TSHR: variants seen among roughly 807,000 people sequenced by gnomAD.
The protein encoded by TSHR is thyrotropin receptor.
TSHR carries 51 observed loss-of-function variants against 64.1 expected under a neutral mutation model. That is an observed-to-expected ratio of 0.80 (90% CI 0.64 to 1.01). The LOEUF is 1.01. Among genes scored for constraint, TSHR ranks in the 50% least tolerant of loss-of-function variants. The pLI, the probability that TSHR is intolerant of heterozygous loss-of-function variation, is 0.00. For synonymous variants in TSHR, 361 were observed against 361.9 expected (o/e 1.00, Z 0.03); for missense variants, 877 against 942.8 (o/e 0.93, Z 0.91).
At chr14:81,077,112 G>T (rs893231802) in intron 3 of TSHR, among the ~76,000 whole-genome samples, 4 of 151,852 alleles carry the variant, frequency 2.6e-5, no homozygotes, top group African/African-American at 9.7e-5. Context: ...ATACCATTCA[G>T]CCCACTTCTG....
intron 1 of TSHR, among the ~76,000 whole-genome samples, chr14:81,030,576 T>C (rs1042633788): frequency 2.6e-5 from 4 of 152,176 alleles, no homozygotes; most frequent in Non-Finnish European, 5.9e-5. Flanking sequence ...AAATGCTAAT[T>C]AAATTCTCTT....
intron 1 of TSHR, among the ~76,000 whole-genome samples, chr14:80,998,105 A>T (rs1240587283): frequency 6.6e-6 from 1 of 152,232 alleles, no homozygotes; most frequent in Admixed American, 6.5e-5. Context: ...GTAATTTAAA[A>T]GGAAGAAATA....
In TSHR at chr14:81,067,952, TA is replaced by T. The variant is rs1886768674; in HGVS notation, c.243-301del. On this transcript the variant is annotated intron_variant, in intron 2 of 9. Coordinates refer to ENST00000298171, the MANE Select transcript of TSHR (RefSeq NM_000369.5). Reference sequence around the variant, plus strand: ...CTATATATATATATATATATATATATATCGCTAAATATGCATATGGGAAATT... The same window carrying T: ...CTATATATATATATATATATATATATTCGCTAAATATGCATATGGGAAATT... 1.4e-5 allele frequency among the ~76,000 whole-genome samples: 2 copies of T among 142,160 alleles called. 1 individual carries two copies. Among genetic ancestry groups the T allele is most frequent in the Non-Finnish European group, 3.0e-5 (2 of 66,192 alleles). The allele number at this position is 142,160 out of a possible 152,430, so 93.3% of individuals were successfully genotyped here. A position where few individuals can be genotyped will look rare whatever the true frequency, so the allele number is the denominator to read the frequency against.
chr14:80,957,390 G>C (rs1886750510), intron 1 of TSHR, among the ~76,000 whole-genome samples: 1 of 151,566 alleles, frequency 6.6e-6, no homozygotes, highest in Non-Finnish European at 1.5e-5. Flanking sequence ...CAGGACACAA[G>C]CTTCTCTAAC....
chr14:81,004,852 G>T (rs1403512692), intron 1 of TSHR, among the ~76,000 whole-genome samples: 1 of 152,188 alleles, frequency 6.6e-6, no homozygotes, highest in African/African-American at 2.4e-5. Context: ...TGCCCCACAG[G>T]TGTTAACAAC....
At chr14:80,973,062 C>T (rs1887656400) in intron 1 of TSHR, among the ~76,000 whole-genome samples, 1 of 152,126 alleles carries the variant, frequency 6.6e-6, no homozygotes, top group Admixed American at 6.5e-5. Flanking sequence ...AGCCCCATTC[C>T]ATGCTGTAAT....
At chr14:81,092,714 C>A in intron 6 of TSHR, 106 bp downstream of exon 6, 2 of 988,054 alleles carry the variant, frequency 2.0e-6, no homozygotes, top group Non-Finnish European at 3.2e-6. Context: ...CATATATACT[C>A]TATAGAGTAC....
At chr14:81,125,896 A>G (rs1317607230) in intron 8 of TSHR, among the ~76,000 whole-genome samples, 1 of 151,856 alleles carries the variant, frequency 6.6e-6, no homozygotes, top group African/African-American at 2.4e-5. Context: ...AGGCACAGCA[A>G]AGGGTCTGCA....
chr14:81,052,987 T>C (rs1350399852), intron 1 of TSHR: 2 of 152,048 alleles, frequency 1.3e-5, no homozygotes, highest in African/African-American at 4.8e-5. Flanking sequence ...CTGTAAAGAA[T>C]TGGTTCACAT....
chr14:81,045,434 G>A (rs1885128161), intron 1 of TSHR, among the ~76,000 whole-genome samples: 1 of 152,178 alleles, frequency 6.6e-6, no homozygotes, highest in African/African-American at 2.4e-5. Context: ...TGTAGAACGT[G>A]CAGGTTTGTT....
At chr14:80,991,494 T>G (rs1435623118) in intron 1 of TSHR, 2 of 397,550 alleles carry the variant, frequency 5.0e-6, no homozygotes, top group African/African-American at 2.1e-5. Context: ...AGAATTTTGC[T>G]TCATTTTATT....
At chr14:80,983,418 C>A in intron 1 of TSHR, 2 of 1,209,496 alleles carry the variant, frequency 1.7e-6, no homozygotes, top group East Asian at 2.4e-5. Context: ...ATCTGAAAAT[C>A]CAACTGCAGC....
intron 1 of TSHR, among the ~76,000 whole-genome samples, chr14:80,968,186 G>GTTC (rs1887414309): frequency 6.6e-6 from 1 of 152,162 alleles, no homozygotes; most frequent in African/African-American, 2.4e-5. Flanking sequence ...AAGCTAGTCA[G>GTTC]AGCTCATACA....
chr14:81,105,317 C>T (rs1889824474), intron 7 of TSHR: 1 of 794,648 alleles, frequency 1.3e-6, no homozygotes. Flanking sequence ...ATGTATTTCC[C>T]CTCCCCACTG....
At chr14:80,961,476 G>C (rs1230379063) in intron 1 of TSHR, among the ~76,000 whole-genome samples, 1 of 152,198 alleles carries the variant, frequency 6.6e-6, no homozygotes, top group Non-Finnish European at 1.5e-5. Context: ...CAGTGGAGCA[G>C]GTAGAAGGTG....
chr14:81,031,213 G>T (rs1884329765), intron 1 of TSHR, among the ~76,000 whole-genome samples: 1 of 152,164 alleles, frequency 6.6e-6, no homozygotes, highest in African/African-American at 2.4e-5. Context: ...ATTATGCTTA[G>T]AAAAGTATGG....
chr14:81,068,307 A>C lies in TSHR; in HGVS notation c.296A>C (p.Asn99Thr). ...CAGCTGGAATCACACTCCTTCTACAATTTGAGTAAAGTGACTCACATGTAA... is the reference window on the plus strand; with the variant it reads ...CAGCTGGAATCACACTCCTTCTACACTTTGAGTAAAGTGACTCACATGTAA... ...LQQLESHSFY[N>T]LSKVTHIEIR... is the part of the protein sequence containing the mutation. Residue 99 changes from asparagine to threonine, a missense_variant, in exon 3 of 10, where the codon AAT becomes ACT. Asn to Thr is a moderately conservative substitution (Grantham distance 65, BLOSUM62 0). Coordinates refer to ENST00000298171, the MANE Select transcript of TSHR (RefSeq NM_000369.5). 6.2e-7 allele frequency: 1 copy of C among 1,613,132 alleles called. No homozygotes were observed. The highest frequency in any genetic ancestry group is 1.1e-5 in the South Asian group (1 of 91,072).
intron 1 of TSHR, among the ~76,000 whole-genome samples, chr14:80,973,153 C>G (rs1241030013): frequency 6.6e-6 from 1 of 152,042 alleles, no homozygotes; most frequent in Non-Finnish European, 1.5e-5. Context: ...CGCCTGTAAT[C>G]CCAGCACTTT....
chr14:81,029,207 C>T lies in TSHR; in HGVS notation c.171-32941C>T, dbSNP rs1425624512. On this transcript the variant is annotated intron_variant, in intron 1 of 9. Coordinates refer to ENST00000298171, the MANE Select transcript of TSHR (RefSeq NM_000369.5). ...CCCTTTTCCCATGTAAAATTTACTTCCAAATCTTTGAGAAGGCATTCCTTA... is the reference window on the plus strand; with the variant it reads ...CCCTTTTCCCATGTAAAATTTACTTTCAAATCTTTGAGAAGGCATTCCTTA... Among the ~76,000 whole-genome samples the T allele has an allele frequency of 2.0e-5, 3 of 152,098 alleles. No homozygotes were observed. The East Asian group carries it at 5.8e-4, about 29-fold the overall frequency.
Sources: allele counts gnomAD v4.1 joint callset (sites outside exome capture counted in the v4.1 genomes callset), GRCh38; gene constraint gnomAD v4.1.1; transcripts MANE v1.5; gene names NCBI Gene and HGNC (gene_info 2026-07-23, HGNC 2026-07-21).